Variants in RFX4 observed in about 807,000 individuals in gnomAD.
The protein encoded by RFX4 is regulatory factor X4.
Under a neutral mutation model 95.0 loss-of-function variants are expected in RFX4, and 10 were observed. The observed-to-expected ratio is 0.11, with a 90% CI of 0.06 to 0.18. The LOEUF (loss-of-function observed/expected upper bound fraction) is 0.18. Ranked by LOEUF, RFX4 falls within the 10% of genes least tolerant of loss-of-function variation. The pLI is 1.00. For missense variants in RFX4, 640 were observed against 922.0 expected (o/e 0.69, Z 3.96); for synonymous variants, 321 against 340.7 (o/e 0.94, Z 0.64).
chr12:106,705,538 T>C (rs1565987552), intron 8 of RFX4, among the ~76,000 whole-genome samples: 1 of 152,036 alleles, frequency 6.6e-6, no homozygotes, highest in Non-Finnish European at 1.5e-5. Context: ...ATGGAGTCAG[T>C]TGGGGCTTAG....
chr12:106,607,968 G>A (rs2039872546), intron 1 of RFX4, among the ~76,000 whole-genome samples: 2 of 152,140 alleles, frequency 1.3e-5, no homozygotes, highest in Admixed American at 1.3e-4. Context: ...CGAGGCAGGC[G>A]GATGGCCTGA....
chr12:106,595,138 T>C (rs983744740), intron 1 of RFX4, among the ~76,000 whole-genome samples: 1 of 152,210 alleles, frequency 6.6e-6, no homozygotes, highest in Non-Finnish European at 1.5e-5. Context: ...TCTATGGTAT[T>C]ATTACTCCCA....
chr12:106,665,761 G>A (rs1304211845), intron 4 of RFX4, among the ~76,000 whole-genome samples: 1 of 151,658 alleles, frequency 6.6e-6, no homozygotes, highest in Non-Finnish European at 1.5e-5. Flanking sequence ...TTCACAAGAA[G>A]GGCGAGCACC....
chr12:106,732,171 C>T lies in RFX4; in HGVS notation c.1393C>T (p.Leu465Phe). The T allele has an allele frequency of 6.2e-7, 1 of 1,613,958 alleles. No individual in the cohort carries two copies. Among genetic ancestry groups the T allele is most frequent in the Non-Finnish European group, 8.5e-7 (1 of 1,179,878 alleles). ...LIHLMFDDYV[L>F]YLLESLHCQE... ...TCACTTAATGTTTGATGACTACGTG[C>T]TCTACCTGTTAGAATCTCTGCACTG... is the stretch of plus-strand genomic sequence containing the variant. The change falls in exon 14 of 18, where the codon CTC becomes TTC. Residue 465 changes from leucine to phenylalanine, a missense_variant. Transcript: ENST00000392842.
intron 2 of RFX4, among the ~76,000 whole-genome samples, chr12:106,623,567 C>A (rs1301042959): frequency 6.6e-6 from 1 of 152,190 alleles, no homozygotes; most frequent in Non-Finnish European, 1.5e-5. Flanking sequence ...ACTGTTGTAA[C>A]CCCAGTACTT....
intron 2 of RFX4, among the ~76,000 whole-genome samples, chr12:106,623,255 C>T (rs1021896802): frequency 6.6e-6 from 1 of 151,378 alleles, no homozygotes; most frequent in Non-Finnish European, 1.5e-5. Context: ...CTCAATCTGA[C>T]CTCGTGATCT....
At chr12:106,628,592 A>G (rs1032366509) in intron 2 of RFX4, among the ~76,000 whole-genome samples, 10 of 152,118 alleles carry the variant, frequency 6.6e-5, no homozygotes, top group African/African-American at 2.2e-4. Context: ...TAATACAGCC[A>G]TATGGTCCAA....
At chr12:106,651,120 T>C (rs779098199) in intron 3 of RFX4, among the ~76,000 whole-genome samples, 11 of 152,174 alleles carry the variant, frequency 7.2e-5, no homozygotes, top group Non-Finnish European at 1.3e-4. Context: ...TTCTTCCCTT[T>C]AGATACCCTT....
intron 8 of RFX4, 135 bp downstream of exon 8, chr12:106,696,581 A>T: frequency 1.3e-6 from 1 of 788,852 alleles, no homozygotes; most frequent in Non-Finnish European, 1.9e-6. Context: ...ACTTTTAAAT[A>T]TTAAAGTTTA....
Position 106,739,995 on chromosome 12 carries a change from A to G in RFX4, c.1633+6910A>G, listed in dbSNP as rs372112332. On this transcript the variant is annotated intron_variant, in intron 15 of 17. Coordinates refer to ENST00000392842, the MANE Select transcript of RFX4 (RefSeq NM_213594.3). The stretch of plus-strand genomic sequence containing the variant: ...AAACGTTAAGCTCCTACTCTGTCCC[A>G]TCGGGCCACCGAAGGGTTCTAAAAC... Among the ~76,000 whole-genome samples the G allele has an allele frequency of 2.3e-4, 35 of 152,314 alleles. No homozygotes were observed. The East Asian group carries it at 2.7e-3, about 12-fold the overall frequency.
At chr12:106,726,813 C>G (rs1338782261) in intron 13 of RFX4, among the ~76,000 whole-genome samples, 2 of 152,122 alleles carry the variant, frequency 1.3e-5, no homozygotes. Context: ...ACTCTGTTAT[C>G]TAGGTTGGAG....
intron 7 of RFX4, among the ~76,000 whole-genome samples, chr12:106,691,016 G>C (rs1455090395): frequency 6.6e-6 from 1 of 152,184 alleles, no homozygotes; most frequent in Non-Finnish European, 1.5e-5. Context: ...CAGTTGATAG[G>C]ATGGGGGGAA....
intron 13 of RFX4, among the ~76,000 whole-genome samples, chr12:106,729,481 A>G (rs572536775): frequency 3.2e-4 from 49 of 152,208 alleles, no homozygotes; most frequent in Admixed American, 2.4e-3. Flanking sequence ...CCTTTTGGAG[A>G]GCTGTAGCAC....
At chr12:106,615,812 A>T (rs2040060219) in intron 2 of RFX4, among the ~76,000 whole-genome samples, 1 of 152,236 alleles carries the variant, frequency 6.6e-6, no homozygotes, top group African/African-American at 2.4e-5. Flanking sequence ...TTATTTAGAT[A>T]ATAACTTCAT....
At chr12:106,638,267 G>C (rs10861640) in intron 2 of RFX4, among the ~76,000 whole-genome samples, 29,918 of 152,004 alleles carry the variant, frequency 0.2, 3,662 homozygotes, top group African/African-American at 0.35. Context: ...CTTGGCCTCC[G>C]AAAGTGCTGG....
chr12:106,686,852 T>C, intron 5 of RFX4, 32 bp from the exon 6 acceptor site: 2 of 1,463,592 alleles, frequency 1.4e-6, no homozygotes, highest in Middle Eastern at 1.8e-4. Context: ...TTTTTTTTTT[T>C]CTCTCTCTCC....
intron 8 of RFX4, among the ~76,000 whole-genome samples, chr12:106,701,258 G>C (rs2041984645): frequency 6.6e-6 from 1 of 152,172 alleles, no homozygotes; most frequent in Non-Finnish European, 1.5e-5. Flanking sequence ...TAGGCAGTGT[G>C]CCTTTTTTCC....
chr12:106,644,091 C>T (rs1377099042), intron 3 of RFX4, among the ~76,000 whole-genome samples: 1 of 152,174 alleles, frequency 6.6e-6, no homozygotes, highest in African/African-American at 2.4e-5. Context: ...ACCTGTTATG[C>T]TGTATTGATC....
At chr12:106,692,802 G>C (rs2041809251) in intron 7 of RFX4, among the ~76,000 whole-genome samples, 1 of 152,160 alleles carries the variant, frequency 6.6e-6, no homozygotes, top group African/African-American at 2.4e-5. Context: ...ACGATGCCAA[G>C]CATTTTACAT....
Sources: allele counts gnomAD v4.1 joint callset (sites outside exome capture counted in the v4.1 genomes callset), GRCh38; gene constraint gnomAD v4.1.1; transcripts MANE v1.5; gene names NCBI Gene and HGNC (gene_info 2026-07-23, HGNC 2026-07-21).